Variants in ATXN7L1 observed in about 807,000 individuals in gnomAD.
ATXN7L1 encodes ataxin-7-like protein 1.
Under a neutral mutation model 70.8 loss-of-function variants are expected in ATXN7L1, and 15 were observed. The observed-to-expected ratio is 0.21, with a 90% CI of 0.14 to 0.33. ATXN7L1 has a LOEUF of 0.33. ATXN7L1 is among the 10% of genes least tolerant of loss of function. ATXN7L1 has a pLI of 1.00. For missense variants in ATXN7L1, 975 were observed against 1,097.1 expected (o/e 0.89, Z 1.57); for synonymous variants, 440 against 445.1 (o/e 0.99, Z 0.14).
rs541300741 is a variant in ATXN7L1, at chr7:105,608,659, C to A, written c.2548-769G>T. 4.6e-5 allele frequency among the ~76,000 whole-genome samples: 7 copies of A among 152,224 alleles called. No individual in the cohort carries two copies. In the South Asian group the frequency reaches 1.5e-3, roughly 32 times the overall value. ...CCTGAGTATAAATGTGCCTTCCCACCCCAGCACACATGAAGGGCTGCAAGT... is the reference window on the plus strand; with the variant it reads ...CCTGAGTATAAATGTGCCTTCCCACACCAGCACACATGAAGGGCTGCAAGT... On this transcript the variant is annotated intron_variant, in intron 11 of 11. Transcript: ENST00000419735.
chr7:105,688,313 G>C (rs905976424), intron 3 of ATXN7L1, among the ~76,000 whole-genome samples: 1 of 152,174 alleles, frequency 6.6e-6, no homozygotes, highest in South Asian at 2.1e-4. Flanking sequence ...AGGCTGAGGC[G>C]GGTGGATGGC....
intron 7 of ATXN7L1, among the ~76,000 whole-genome samples, chr7:105,636,126 G>A (rs1463906757): frequency 6.6e-6 from 1 of 152,116 alleles, no homozygotes; most frequent in Non-Finnish European, 1.5e-5. Flanking sequence ...CGGGTATGGT[G>A]GCTCATGCCT....
At chr7:105,710,815 T>A (rs959529390) in intron 3 of ATXN7L1, among the ~76,000 whole-genome samples, 1 of 152,260 alleles carries the variant, frequency 6.6e-6, no homozygotes, top group African/African-American at 2.4e-5. Context: ...GAACAGTGTA[T>A]TAGTCCATTT....
chr7:105,789,578 G>T (rs909196895), intron 2 of ATXN7L1, among the ~76,000 whole-genome samples: 1 of 152,144 alleles, frequency 6.6e-6, no homozygotes, highest in Admixed American at 6.5e-5. Flanking sequence ...GGGCCAGGCA[G>T]GGGGAAGGCG....
intron 4 of ATXN7L1, among the ~76,000 whole-genome samples, chr7:105,659,365 G>A (rs973032636): frequency 3.9e-5 from 6 of 152,142 alleles, no homozygotes; most frequent in Non-Finnish European, 5.9e-5. Flanking sequence ...CGAGTACCAC[G>A]CTTGTTGAGT....
intron 2 of ATXN7L1, chr7:105,875,085 G>A (rs1226741643): frequency 6.6e-6 from 1 of 152,628 alleles, no homozygotes; most frequent in African/African-American, 2.4e-5. Flanking sequence ...ACATACGGCA[G>A]GCTTGCAAAT....
intron 3 of ATXN7L1, among the ~76,000 whole-genome samples, chr7:105,694,050 C>CTTTTTT (rs34797129): frequency 3.0e-4 from 42 of 139,398 alleles, no homozygotes; most frequent in African/African-American, 1.1e-3. Context: ...AGAAGTGAGC[C>CTTTTTT]TTTTTTTTTT....
At chr7:105,685,888 A>C (rs1190547173) in intron 3 of ATXN7L1, among the ~76,000 whole-genome samples, 1 of 152,088 alleles carries the variant, frequency 6.6e-6, no homozygotes, top group East Asian at 1.9e-4. Context: ...TTCACTAAAA[A>C]CCAATCTTGG....
chr7:105,711,531 G>C (rs1662735579), intron 3 of ATXN7L1, among the ~76,000 whole-genome samples: 1 of 152,178 alleles, frequency 6.6e-6, no homozygotes, highest in African/African-American at 2.4e-5. Context: ...CAAAACAAAG[G>C]GGCAACAGGC....
intron 9 of ATXN7L1, among the ~76,000 whole-genome samples, chr7:105,617,618 A>G (rs1356728132): frequency 6.6e-6 from 1 of 152,284 alleles, no homozygotes; most frequent in East Asian, 1.9e-4. Context: ...TAAACAGTTT[A>G]TGTGTTTTTC....
intron 3 of ATXN7L1, among the ~76,000 whole-genome samples, chr7:105,767,168 C>G (rs1479345354): frequency 2.0e-5 from 3 of 152,136 alleles, no homozygotes; most frequent in African/African-American, 7.2e-5. Context: ...CTAGAAAAGA[C>G]TGATACAAGT....
At chr7:105,793,402 A>C (rs1037130495) in intron 2 of ATXN7L1, among the ~76,000 whole-genome samples, 2 of 152,098 alleles carry the variant, frequency 1.3e-5, no homozygotes, top group African/African-American at 4.8e-5. Flanking sequence ...AGTGTGGAGA[A>C]AGCTTTCATC....
At chr7:105,623,960 T>C in intron 8 of ATXN7L1, 115 bp downstream of exon 8, 1 of 1,007,684 alleles carries the variant, frequency 9.9e-7, no homozygotes, top group African/African-American at 1.7e-5. Context: ...AGCCTTTTTG[T>C]AAAACACTGC....
chr7:105,859,235 A>G (rs57316151), intron 2 of ATXN7L1, among the ~76,000 whole-genome samples: 50,570 of 151,942 alleles, frequency 0.33, 9,152 homozygotes, highest in East Asian at 0.66. Context: ...CAAATAGTTC[A>G]GCAAAAACAT....
At chr7:105,872,740 G>A (rs891593331) in intron 2 of ATXN7L1, among the ~76,000 whole-genome samples, 1 of 151,970 alleles carries the variant, frequency 6.6e-6, no homozygotes, top group African/African-American at 2.4e-5. Flanking sequence ...GAAATGGAAA[G>A]TGATGATAGT....
At chr7:105,655,618 G>A (rs560593996) in intron 4 of ATXN7L1, among the ~76,000 whole-genome samples, 8 of 152,302 alleles carry the variant, frequency 5.3e-5, no homozygotes, top group Admixed American at 1.3e-4. Flanking sequence ...TGTCTTCAGG[G>A]AGCCATCAAT....
intron 3 of ATXN7L1, among the ~76,000 whole-genome samples, chr7:105,667,198 C>T (rs942871079): frequency 6.6e-6 from 1 of 152,186 alleles, no homozygotes; most frequent in African/African-American, 2.4e-5. Context: ...GGGTCTCCAC[C>T]CTCCTCATGG....
At chr7:105,780,761 G>A (rs2116462457) in intron 3 of ATXN7L1, among the ~76,000 whole-genome samples, 1 of 152,272 alleles carries the variant, frequency 6.6e-6, no homozygotes, top group South Asian at 2.1e-4. Context: ...ATGGACTGCT[G>A]TAAGATAACT....
intron 2 of ATXN7L1, among the ~76,000 whole-genome samples, 185 bp downstream of exon 2, chr7:105,875,627 A>ACCCCCCCCCCCCCCTTTCCCC (rs3835024): frequency 1.1e-5 from 1 of 94,778 alleles, no homozygotes; most frequent in Non-Finnish European, 2.0e-5. Flanking sequence ...ACCCCCCTTT[A>ACCCCCCCCCCCCCCTTTCCCC]CCCCCCCCCC....
Sources: gnomAD v4.1 joint callset for allele counts (sites outside exome capture counted in the v4.1 genomes callset) on GRCh38, gnomAD v4.1.1 for gene constraint, MANE v1.5 for transcripts, NCBI Gene and HGNC (gene_info 2026-07-23, HGNC 2026-07-21) for gene names.